RFX1: variants seen among roughly 807,000 people sequenced by gnomAD.
The protein encoded by RFX1 is regulatory factor X1, also known as MHC class II regulatory factor RFX1.
A neutral mutation model predicts 119.6 loss-of-function variants in RFX1; 42 were observed. The observed-to-expected ratio is 0.35, with a 90% CI of 0.27 to 0.45. The LOEUF (loss-of-function observed/expected upper bound fraction) is 0.45, where lower values mean the gene tolerates loss of function less well. Among genes scored for constraint, RFX1 ranks in the 20% least tolerant of loss-of-function variants. The pLI, the probability that RFX1 is intolerant of heterozygous loss-of-function variation, is 1.00. For missense variants in RFX1, 1,118 were observed against 1,368.1 expected (o/e 0.82, Z 2.88); for synonymous variants, 628 against 618.5 (o/e 1.02, Z -0.23).
rs1466528938 is a variant in RFX1, at chr19:13,963,131, G to A, written c.2715C>T (p.Val905=). Residue 905 remains valine, a synonymous_variant, in exon 19 of 21, where the codon GTC becomes GTT. Coordinates refer to ENST00000254325, the MANE Select transcript of RFX1 (RefSeq NM_002918.5). ...AQAKGETPIA[V]MGEFANLATS... ...GGCCCGCCTCGCGCACCTCGCCCAT[G>A]ACGGCGATGGGGGTCTCGCCCTTGG... is the stretch of plus-strand genomic sequence containing the variant. The A allele has an allele frequency of 1.9e-6, 3 of 1,611,278 alleles. No homozygotes were observed. The highest frequency in any genetic ancestry group is 2.5e-6 in the Non-Finnish European group (3 of 1,178,586).
rs973825283 is a variant in RFX1, at chr19:13,966,388, C to G, written c.1961+33G>C. The stretch of plus-strand genomic sequence containing the variant: ...CCTGCGGGTCATGCCCTCCTCCCCC[C>G]TCTCCCTCCCACAGTCGCCGGGCAG... On this transcript the variant is annotated intron_variant, in intron 14 of 20. Transcript: ENST00000254325. The surrounding 1 kb of genome is among the most constrained non-coding windows in gnomAD (Gnocchi z 6.3). 1 of 1,433,130 alleles carries G rather than the reference C, an allele frequency of 7.0e-7. No homozygotes were observed. Among genetic ancestry groups the G allele is most frequent in the South Asian group, 1.1e-5 (1 of 87,150 alleles). The allele number at this position is 1,433,130 out of a possible 1,614,324, so 88.8% of individuals were successfully genotyped here.
At chr19:13,983,398 G>A (rs749665608) in intron 3 of RFX1, 88 bp downstream of exon 3, 90 of 1,232,814 alleles carry the variant, frequency 7.3e-5, no homozygotes, top group African/African-American at 6.1e-4. Flanking sequence ...AGCAGGAAGC[G>A]GGGAGGGGAG....
chr19:14,000,483 TAC>T (rs142722700), intron 1 of RFX1, among the ~76,000 whole-genome samples: 2 of 151,382 alleles, frequency 1.3e-5, no homozygotes, highest in South Asian at 2.1e-4. Context: ...CACATACACA[TAC>T]ACACACACAC....
chr19:13,963,129 A>G lies in RFX1; in HGVS notation c.2717T>C (p.Met906Thr). 2 of 1,611,184 alleles carry G rather than the reference A, an allele frequency of 1.2e-6. No homozygotes were observed. The highest frequency in any genetic ancestry group is 1.1e-5 in the South Asian group (1 of 91,050). The change falls in exon 19 of 21, where the codon ATG (methionine) becomes ACG (threonine). Residue 906 changes from methionine to threonine, a missense_variant. Transcript: ENST00000254325. ...GTGGCCCGCCTCGCGCACCTCGCCCATGACGGCGATGGGGGTCTCGCCCTT... is the reference window on the plus strand; with the variant it reads ...GTGGCCCGCCTCGCGCACCTCGCCCGTGACGGCGATGGGGGTCTCGCCCTT... ...QAKGETPIAV[M>T]GEFANLATSL...
rs532643801 is a variant in RFX1 at position 13,993,716 on chromosome 19, G to T, written c.128C>A (p.Pro43Gln). The T allele has an allele frequency of 1.4e-5, 22 of 1,578,944 alleles. No individual in the cohort carries two copies. The East Asian group carries it at 5.0e-4, about 36-fold the overall frequency. The change falls in exon 2 of 21, where the codon CCA becomes CAA. Residue 43 changes from proline to glutamine, a missense_variant. Physicochemically the swap from Pro to Gln is moderately conservative, Grantham distance 76. This residue lies in a region of RFX1 where 542 missense variants were observed against 602.7 expected (regional missense o/e 0.90). Coordinates refer to ENST00000254325, the MANE Select transcript of RFX1 (RefSeq NM_002918.5). ...CTGAGGGGTGGCAGCAGCGGTGGGTGGCTGCGGGGGCTGGGGTGCCGCTGG... is the reference window on the plus strand; with the variant it reads ...CTGAGGGGTGGCAGCAGCGGTGGGTTGCTGCGGGGGCTGGGGTGCCGCTGG... Reference protein sequence around the residue: ...PPPAAPQPPQPPTAAATPQPQ... With the variant: ...PPPAAPQPPQQPTAAATPQPQ...
Position 13,965,019 on chromosome 19 carries a change from C to T in RFX1, c.2211+430G>A, listed in dbSNP as rs1973848038. 6.6e-6 allele frequency among the ~76,000 whole-genome samples: 1 copy of T among 152,198 alleles called. No individual in the cohort carries two copies. Among genetic ancestry groups the T allele is most frequent in the African/African-American group, 2.4e-5 (1 of 41,450 alleles). On this transcript the variant is annotated intron_variant, in intron 16 of 20. Coordinates refer to ENST00000254325, the MANE Select transcript of RFX1 (RefSeq NM_002918.5). The surrounding 1 kb of genome is among the most constrained non-coding windows in gnomAD (Gnocchi z 4.7). Reference sequence around the variant, plus strand: ...TTTGTTTTTCCCAACCACATCCCATCAAATTCCTCACATCTAAGTAGTCAG... The same window carrying T: ...TTTGTTTTTCCCAACCACATCCCATTAAATTCCTCACATCTAAGTAGTCAG...
intron 8 of RFX1, among the ~76,000 whole-genome samples, chr19:13,976,058 G>A (rs956024827): frequency 1.3e-5 from 2 of 152,256 alleles, no homozygotes; most frequent in African/African-American, 2.4e-5. Flanking sequence ...CTTGGACACC[G>A]TGTTCCTCTT....
Position 13,962,676 on chromosome 19 carries a change from G to T in RFX1, c.*19C>A. The T allele has an allele frequency of 6.6e-7, 1 of 1,508,264 alleles. No individual in the cohort carries two copies. The highest frequency in any genetic ancestry group is 8.8e-7 in the Non-Finnish European group (1 of 1,133,538). 93.4% of individuals were successfully genotyped at this position (1,508,264 alleles called of 1,614,324 possible). A position where few individuals can be genotyped will look rare whatever the true frequency, so the allele number is the denominator to read the frequency against. ...CGTGGAGGGGTGGCGGGGGCGGGTG[G>T]GGCGGGGAGGCCAAGGGCTTAGCTG... is the stretch of plus-strand genomic sequence containing the variant. On this transcript the variant is annotated 3_prime_UTR_variant, in exon 21 of 21. Transcript: ENST00000254325.
intron 1 of RFX1, among the ~76,000 whole-genome samples, chr19:13,994,437 C>T (rs1019292169): frequency 2.0e-5 from 3 of 152,064 alleles, no homozygotes; most frequent in Non-Finnish European, 2.9e-5. Flanking sequence ...TCTATTAGGC[C>T]GGGCACAGTG....
At chr19:14,000,847 C>G (rs1568485160) in intron 1 of RFX1, among the ~76,000 whole-genome samples, 1 of 152,100 alleles carries the variant, frequency 6.6e-6, no homozygotes, top group Non-Finnish European at 1.5e-5. Context: ...GTAATCTCAG[C>G]ACTTTGAGAG....
Position 13,962,601 on chromosome 19 carries a change from T to A in RFX1, c.*94A>T. On this transcript the variant is annotated 3_prime_UTR_variant, in exon 21 of 21. Transcript: ENST00000254325. Reference sequence around the variant, plus strand: ...TCGGAGTCCCCCTCCCTGCCCTGGCTGAGGCTGGAGCAGTGACCACGAAGC... The same window carrying A: ...TCGGAGTCCCCCTCCCTGCCCTGGCAGAGGCTGGAGCAGTGACCACGAAGC... The A allele has an allele frequency of 9.4e-7, 1 of 1,058,298 alleles. No homozygotes were observed. The highest frequency in any genetic ancestry group is 3.0e-5 in the East Asian group (1 of 32,918). The allele number at this position is 1,058,298 out of a possible 1,614,324, so 65.6% of individuals were successfully genotyped here.
In RFX1 at chr19:13,983,647, C is replaced by A. The variant is rs1249395675; in HGVS notation, c.320-52G>T. 1.0e-5 allele frequency: 15 copies of A among 1,461,898 alleles called. No homozygotes were observed. In the East Asian group the frequency reaches 3.4e-4, roughly 33 times the overall value. 90.6% of individuals were successfully genotyped at this position (1,461,898 alleles called of 1,614,324 possible). Reference sequence around the variant, plus strand: ...TCTTCCTGCTTTCCCTGCCCCCAGCCTAAGCCTGAGCCCCCCTGGAGGGGA... The same window carrying A: ...TCTTCCTGCTTTCCCTGCCCCCAGCATAAGCCTGAGCCCCCCTGGAGGGGA... On this transcript the variant is annotated intron_variant, in intron 2 of 20. Coordinates refer to ENST00000254325, the MANE Select transcript of RFX1 (RefSeq NM_002918.5).
At position 13,976,431 on chromosome 19, in the gene RFX1, C is replaced by T. The variant is rs565501294; in HGVS notation, c.929+1561G>A. Among the ~76,000 whole-genome samples the T allele has an allele frequency of 1.6e-4, 24 of 152,326 alleles. No homozygotes were observed. In the East Asian group the frequency reaches 3.5e-3, roughly 22 times the overall value. On this transcript the variant is annotated intron_variant, in intron 8 of 20. Transcript: ENST00000254325. The stretch of plus-strand genomic sequence containing the variant: ...GAGGGAAGGTGGCATGGAGGACCCC[C>T]GGCGAGGAGCCCGAGCCGGGACTGA...
At chr19:13,976,870 G>C (rs569897714) in intron 8 of RFX1, among the ~76,000 whole-genome samples, 1 of 152,160 alleles carries the variant, frequency 6.6e-6, no homozygotes, top group South Asian at 2.1e-4. Flanking sequence ...GAGCATGGTG[G>C]TGCACACCTG....
chr19:13,978,996 C>T (rs1046506994), intron 7 of RFX1, among the ~76,000 whole-genome samples: 3 of 151,480 alleles, frequency 2.0e-5, no homozygotes, highest in Non-Finnish European at 4.4e-5. Context: ...TGCACGCGGG[C>T]GGCCGGGGCG....
At chr19:14,001,056 C>CA (rs201949884) in intron 1 of RFX1, among the ~76,000 whole-genome samples, 1,999 of 151,590 alleles carry the variant, frequency 0.013, 45 homozygotes, top group African/African-American at 0.045. Flanking sequence ...TCTGCAAAAA[C>CA]AAAAAAAACA....
At position 13,962,983 on chromosome 19, in the gene RFX1, G is replaced by GC; in HGVS notation, c.2770+10dup. On this transcript the variant is annotated intron_variant, in intron 20 of 20. Coordinates refer to ENST00000254325, the MANE Select transcript of RFX1 (RefSeq NM_002918.5). Reference sequence around the variant, plus strand: ...GGACCCGCGCCCTGGGTGGGAACACGCCTCGCCTACCTTTGTCGGGGTCCA... The same window carrying GC: ...GGACCCGCGCCCTGGGTGGGAACACGCCCTCGCCTACCTTTGTCGGGGTCCA... 1 of 1,550,226 alleles carries GC rather than the reference G, an allele frequency of 6.5e-7. No homozygotes were observed. The highest frequency in any genetic ancestry group is 8.7e-7 in the Non-Finnish European group (1 of 1,146,452).
At chr19:14,005,669 G>A (rs146649133) in intron 1 of RFX1, among the ~76,000 whole-genome samples, 2,245 of 152,132 alleles carry the variant, frequency 0.015, 54 homozygotes, top group African/African-American at 0.05. Context: ...AAGGCGGACC[G>A]GGTGGTGGCT....
chr19:13,962,858 T>A lies in RFX1; in HGVS notation c.2777A>T (p.Glu926Val). 1 of 1,528,738 alleles carries A rather than the reference T, an allele frequency of 6.5e-7. No individual in the cohort carries two copies. Among genetic ancestry groups the A allele is most frequent in the Non-Finnish European group, 8.8e-7 (1 of 1,139,064 alleles). The allele number at this position is 1,528,738 out of a possible 1,614,324, so 94.7% of individuals were successfully genotyped here. A position where few individuals can be genotyped will look rare whatever the true frequency, so the allele number is the denominator to read the frequency against. ...CTCGCTCTCCTCCTCCTCTTCTTCC[T>A]CCTCGTCTGGAACACAGGGACCAAG... ...LNPLDPDKDE[E>V]EEEEEESEDE... Residue 926 changes from glutamate to valine, a missense_variant, in exon 21 of 21, where the codon GAG (glutamate) becomes GTG (valine). Glu to Val is a moderately radical substitution (Grantham distance 121). Coordinates refer to ENST00000254325, the MANE Select transcript of RFX1 (RefSeq NM_002918.5).
Sources: gnomAD v4.1 joint callset for allele counts (sites outside exome capture counted in the v4.1 genomes callset) on GRCh38, gnomAD v4.1.1 for gene constraint, gnomAD v4.1.1 regional missense constraint, Gnocchi (gnomAD v3.1) non-coding constraint, MANE v1.5 for transcripts, NCBI Gene and HGNC (gene_info 2026-07-23, HGNC 2026-07-21) for gene names.